The following SGCD variants were observed in gnomAD, a reference collection of about 807,000 sequenced individuals.
SGCD encodes the protein delta-sarcoglycan.
Under a neutral mutation model 36.6 loss-of-function variants are expected in SGCD, and 18 were observed. The ratio of observed to expected loss-of-function variants is 0.49; its 90% confidence interval spans 0.34 to 0.73. The LOEUF (loss-of-function observed/expected upper bound fraction) is 0.73, where lower values mean the gene tolerates loss of function less well. SGCD is among the 30% of genes least tolerant of loss of function. The probability of loss-of-function intolerance (pLI) is 0.01; values close to 1 mark genes in which losing one functional copy is unlikely to be tolerated. For missense variants in SGCD, 387 were observed against 346.7 expected, an observed-to-expected ratio of 1.12 and a Z score of -0.92; for synonymous variants, 133 against 130.6, an observed-to-expected ratio of 1.02 and a Z score of -0.12.
At chr5:156,493,715 C>T (rs1756045674) in intron 3 of SGCD, among the ~76,000 whole-genome samples, 1 of 152,082 alleles carries the variant, frequency 6.6e-6, no homozygotes, top group Non-Finnish European at 1.5e-5. Context: ...TGTTGATTTC[C>T]AGTTAAAATT....
chr5:156,125,605 T>G (rs2127604081), intron 3 of SGCD, among the ~76,000 whole-genome samples: 1 of 152,186 alleles, frequency 6.6e-6, no homozygotes, highest in East Asian at 1.9e-4. Context: ...TGTCTTTTTT[T>G]TACAAAGTAG....
At chr5:156,207,697 T>C (rs1764326592) in intron 3 of SGCD, among the ~76,000 whole-genome samples, 1 of 152,136 alleles carries the variant, frequency 6.6e-6, no homozygotes, top group South Asian at 2.1e-4. Context: ...TTATATACCA[T>C]AGAAATTTGA....
At chr5:155,786,325 C>T in the SGCD span, among the ~76,000 whole-genome samples, 1 of 152,114 alleles carries the variant, frequency 6.6e-6, no homozygotes. Context: ...TTGGCACCAG[C>T]CCCAGGCAGA....
chr5:156,357,886 T>C (rs1447064357), intron 3 of SGCD, among the ~76,000 whole-genome samples: 1 of 152,130 alleles, frequency 6.6e-6, no homozygotes, highest in Non-Finnish European at 1.5e-5. Context: ...CCCCCAACTT[T>C]AGAATAAATA....
At chr5:156,558,727 A>C (rs1759149117) in intron 4 of SGCD, among the ~76,000 whole-genome samples, 1 of 152,184 alleles carries the variant, frequency 6.6e-6, no homozygotes, top group Non-Finnish European at 1.5e-5. Context: ...ATAATGAGAG[A>C]GGAAAGCCCT....
At chr5:156,578,744 T>C (rs183413859) in intron 4 of SGCD, among the ~76,000 whole-genome samples, 1 of 152,366 alleles carries the variant, frequency 6.6e-6, no homozygotes, top group East Asian at 1.9e-4. Context: ...TGTATTTCTG[T>C]GGGATTGGTG....
At chr5:156,603,308 T>G (rs192064069) in intron 6 of SGCD, among the ~76,000 whole-genome samples, 40 of 152,082 alleles carry the variant, frequency 2.6e-4, no homozygotes, top group African/African-American at 9.2e-4. Flanking sequence ...ATTTTAGATT[T>G]TATTTGAGTC....
At chr5:155,948,810 G>A (rs557120020) in intron 1 of SGCD, among the ~76,000 whole-genome samples, 40 of 152,174 alleles carry the variant, frequency 2.6e-4, no homozygotes, top group Non-Finnish European at 4.9e-4. Context: ...GACAAATACA[G>A]TATGGGGTCT....
chr5:156,478,611 C>T (rs1489574109), intron 3 of SGCD, among the ~76,000 whole-genome samples: 1 of 152,172 alleles, frequency 6.6e-6, no homozygotes, highest in Non-Finnish European at 1.5e-5. Context: ...GACAGAGTCT[C>T]GCTGTGTCTC....
chr5:156,452,246 C>T (rs986227023), intron 3 of SGCD, among the ~76,000 whole-genome samples: 1 of 152,150 alleles, frequency 6.6e-6, no homozygotes. Flanking sequence ...ATCCTCATTG[C>T]AGAGAGCTCA....
intron 3 of SGCD, among the ~76,000 whole-genome samples, chr5:156,435,734 T>G (rs1036060998): frequency 6.6e-6 from 1 of 152,154 alleles, no homozygotes; most frequent in Non-Finnish European, 1.5e-5. Flanking sequence ...TACTAACTGT[T>G]TAAAAAATTA....
intron 7 of SGCD, among the ~76,000 whole-genome samples, chr5:156,656,813 T>G (rs188130): frequency 0.86 from 131,020 of 152,140 alleles, 56,737 homozygotes; most frequent in East Asian, 0.99. Flanking sequence ...TGCTACCAGG[T>G]TTTAATGACA....
chr5:156,602,938 G>C (rs1194939757), intron 6 of SGCD, among the ~76,000 whole-genome samples: 1 of 152,124 alleles, frequency 6.6e-6, no homozygotes, highest in Non-Finnish European at 1.5e-5. Context: ...TTGATATCAA[G>C]GTGATGCTGG....
intron 3 of SGCD, among the ~76,000 whole-genome samples, chr5:156,466,671 G>T (rs1166799006): frequency 6.6e-6 from 1 of 152,176 alleles, no homozygotes; most frequent in Non-Finnish European, 1.5e-5. Context: ...AATAATGGGT[G>T]ACTGCTGGGA....
chr5:156,153,007 C>T (rs1405126953), intron 3 of SGCD, among the ~76,000 whole-genome samples: 1 of 151,594 alleles, frequency 6.6e-6, no homozygotes, highest in Non-Finnish European at 1.5e-5. Context: ...ATAGTATAAT[C>T]TCTATTTTTC....
chr5:156,362,350 A>G (rs1441811462), intron 3 of SGCD, among the ~76,000 whole-genome samples: 3 of 152,246 alleles, frequency 2.0e-5, no homozygotes, highest in Non-Finnish European at 2.9e-5. Context: ...CAAATGGTTT[A>G]GAAATAGCAT....
At chr5:156,182,271 A>T (rs368644153) in intron 3 of SGCD, among the ~76,000 whole-genome samples, 2 of 151,196 alleles carry the variant, frequency 1.3e-5, no homozygotes, top group East Asian at 4.0e-4. Flanking sequence ...TTAAGATTAG[A>T]GTATTGGCTA....
chr5:156,693,339 T>C (rs1754187863), intron 7 of SGCD, among the ~76,000 whole-genome samples: 1 of 152,174 alleles, frequency 6.6e-6, no homozygotes, highest in South Asian at 2.1e-4. Flanking sequence ...CTTTTCTCAC[T>C]GACCCTGTCA....
At position 156,476,721 on chromosome 5, in the gene SGCD, G is replaced by T. The variant is rs1755197963; in HGVS notation, c.193-31880G>T. Among the ~76,000 whole-genome samples the T allele has an allele frequency of 2.0e-5, 3 of 152,316 alleles. No homozygotes were observed. In the South Asian group the frequency reaches 6.2e-4, roughly 32 times the overall value. Reference sequence around the variant, plus strand: ...CCCAAACCTCTTCAGCAAGATCATTGTAGAGGAAAATTGTCACCTGAGGGA... The same window carrying T: ...CCCAAACCTCTTCAGCAAGATCATTTTAGAGGAAAATTGTCACCTGAGGGA... On this transcript the variant is annotated intron_variant, in intron 3 of 8. Coordinates refer to ENST00000337851, the MANE Select transcript of SGCD (RefSeq NM_000337.6).
Sources: allele counts gnomAD v4.1 joint callset (sites outside exome capture counted in the v4.1 genomes callset), GRCh38; gene constraint gnomAD v4.1.1; transcripts MANE v1.5; gene names NCBI Gene and HGNC (gene_info 2026-07-23, HGNC 2026-07-21).